Variants in ANKRD27 observed in about 807,000 individuals in gnomAD.
ANKRD27 encodes ankyrin repeat domain-containing protein 27.
ANKRD27 carries 112 observed loss-of-function variants against 129.7 expected under a neutral mutation model. That is an observed-to-expected ratio of 0.86 (90% CI 0.74 to 1.01). The LOEUF is 1.01. ANKRD27 is among the 50% of genes least tolerant of loss of function. The pLI, the probability that ANKRD27 is intolerant of heterozygous loss-of-function variation, is 0.00. For missense variants in ANKRD27, 1,258 were observed against 1,300.5 expected, an observed-to-expected ratio of 0.97 and a Z score of 0.50; for synonymous variants, 516 against 511.2, an observed-to-expected ratio of 1.01 and a Z score of -0.13.
intron 24 of ANKRD27, 32 bp from the exon 25 acceptor site, chr19:32,604,456 C>T (rs748007996): frequency 5.1e-6 from 8 of 1,562,528 alleles, no homozygotes; most frequent in East Asian, 4.6e-5. Context: ...TCAAAAGGAA[C>T]GCTACGAAAC....
At chr19:32,662,829 G>A (rs997192080) in intron 1 of ANKRD27, among the ~76,000 whole-genome samples, 3 of 152,054 alleles carry the variant, frequency 2.0e-5, no homozygotes, top group Non-Finnish European at 2.9e-5. Flanking sequence ...GGTCACTTGA[G>A]GTCAGGAGTT....
intron 28 of ANKRD27, among the ~76,000 whole-genome samples, chr19:32,599,139 A>G (rs4805777): frequency 0.26 from 38,996 of 152,128 alleles, 5,766 homozygotes; most frequent in East Asian, 0.48. Flanking sequence ...AAAATTAGCC[A>G]GGAATAGTGG....
chr19:32,602,691 C>T (rs1238264203), intron 25 of ANKRD27, among the ~76,000 whole-genome samples: 3 of 151,600 alleles, frequency 2.0e-5, no homozygotes, highest in Admixed American at 1.3e-4. Context: ...CCCAGGCAGT[C>T]GAGACCAGCC....
chr19:32,656,320 G>T (rs755145490), intron 2 of ANKRD27, among the ~76,000 whole-genome samples: 1 of 152,120 alleles, frequency 6.6e-6, no homozygotes, highest in South Asian at 2.1e-4. Context: ...ATCATACAAC[G>T]AAGACAGGAA....
chr19:32,626,046 G>T, intron 16 of ANKRD27, 80 bp from the exon 17 acceptor site: 2 of 1,118,588 alleles, frequency 1.8e-6, no homozygotes, highest in Non-Finnish European at 2.5e-6. Context: ...GCAGGGGGAG[G>T]TCATTTGCTC....
chr19:32,606,505 G>C (rs1248165752), intron 23 of ANKRD27, among the ~76,000 whole-genome samples: 1 of 72,838 alleles, frequency 1.4e-5, no homozygotes, highest in Non-Finnish European at 3.7e-5. Flanking sequence ...AAGGGACCAG[G>C]TGAAGAGGGG....
intron 18 of ANKRD27, 60 bp from the exon 19 acceptor site, chr19:32,619,613 T>C: frequency 6.3e-7 from 1 of 1,594,550 alleles, no homozygotes; most frequent in Non-Finnish European, 8.6e-7. Context: ...CTCAGCACAG[T>C]GCCATCACCC....
chr19:32,601,109 G>A (rs1394718484), intron 26 of ANKRD27, among the ~76,000 whole-genome samples: 5 of 151,670 alleles, frequency 3.3e-5, no homozygotes, highest in African/African-American at 9.7e-5. Context: ...GACCAGCCTG[G>A]CCAACATTGT....
intron 26 of ANKRD27, among the ~76,000 whole-genome samples, 190 bp downstream of exon 26, chr19:32,601,825 C>G (rs1042348791): frequency 1.3e-5 from 2 of 152,052 alleles, no homozygotes; most frequent in African/African-American, 2.4e-5. Flanking sequence ...AACCAGAAAA[C>G]TAGTAACAAA....
intron 7 of ANKRD27, 36 bp from the exon 8 acceptor site, chr19:32,643,388 G>C (rs201551715): frequency 3.1e-6 from 5 of 1,613,598 alleles, no homozygotes; most frequent in Admixed American, 3.3e-5. Flanking sequence ...GGGTGTGAGC[G>C]GGCAACAGGG....
chr19:32,645,761 T>A (rs1008883642), intron 4 of ANKRD27, among the ~76,000 whole-genome samples: 2 of 151,840 alleles, frequency 1.3e-5, no homozygotes, highest in African/African-American at 4.8e-5. Context: ...GCCTCCTGAG[T>A]AGCTGGGATT....
chr19:32,653,678 G>T (rs1967463189), intron 2 of ANKRD27, among the ~76,000 whole-genome samples: 1 of 144,898 alleles, frequency 6.9e-6, no homozygotes, highest in African/African-American at 2.5e-5. Flanking sequence ...GGATGTGGGG[G>T]CATCCCCACA....
chr19:32,616,283 T>C (rs1385690591), intron 21 of ANKRD27, among the ~76,000 whole-genome samples: 1 of 152,142 alleles, frequency 6.6e-6, no homozygotes. Context: ...GCAGGCATGG[T>C]GGCTCACGCC....
At chr19:32,661,179 TG>T (rs1967636598) in intron 1 of ANKRD27, among the ~76,000 whole-genome samples, 2 of 149,012 alleles carry the variant, frequency 1.3e-5, no homozygotes, top group Non-Finnish European at 3.0e-5. Flanking sequence ...CCACCCTGTG[TG>T]ATGGTGCAAG....
intron 26 of ANKRD27, 66 bp downstream of exon 26, chr19:32,601,949 A>T: frequency 1.0e-6 from 1 of 971,060 alleles, no homozygotes; most frequent in Non-Finnish European, 1.6e-6. Flanking sequence ...AATGAACACC[A>T]GCAACTACTC....
rs1412341445 is a variant in ANKRD27 at position 32,620,235 on chromosome 19, C to CCA, written c.1828-684_1828-683dup. ...CTGTAGTTCTTATGCTGTGTCCCTG[C>CCA]CACACACACACAAAATAATTTAAAA... is the stretch of plus-strand genomic sequence containing the variant. On this transcript the variant is annotated intron_variant, in intron 18 of 28. Transcript: ENST00000306065. Among the ~76,000 whole-genome samples, 11 of 150,688 alleles carry CCA rather than the reference C, an allele frequency of 7.3e-5. 1 individual carries two copies. The highest frequency in any genetic ancestry group is 7.4e-5 in the Non-Finnish European group (5 of 67,742).
chr19:32,641,601 T>C (rs557290285), intron 10 of ANKRD27, among the ~76,000 whole-genome samples: 1 of 152,190 alleles, frequency 6.6e-6, no homozygotes, highest in South Asian at 2.1e-4. Context: ...CACCATCATA[T>C]CGTGGCTAAA....
At chr19:32,626,658 A>T (rs1409455869) in intron 16 of ANKRD27, 54 bp downstream of exon 16, 1 of 1,413,812 alleles carries the variant, frequency 7.1e-7, no homozygotes, top group Non-Finnish European at 9.7e-7. Context: ...CACCACGCAG[A>T]ACCAAGCTCA....
intron 4 of ANKRD27, among the ~76,000 whole-genome samples, chr19:32,645,102 G>A (rs2145303441): frequency 6.6e-6 from 1 of 152,290 alleles, no homozygotes; most frequent in East Asian, 1.9e-4. Context: ...TTTCCATGAT[G>A]TTTAACCTTT....
Sources: allele counts gnomAD v4.1 joint callset (sites outside exome capture counted in the v4.1 genomes callset), GRCh38; gene constraint gnomAD v4.1.1; transcripts MANE v1.5; gene names NCBI Gene and HGNC (gene_info 2026-07-23, HGNC 2026-07-21).